Variants in GABRA3 observed in about 807,000 individuals in gnomAD.
GABRA3 encodes gamma-aminobutyric acid receptor subunit alpha-3.
In GABRA3, 10 loss-of-function variants were observed where a neutral mutation model predicts 30.1. That is an observed-to-expected ratio of 0.33 (90% CI 0.20 to 0.56). The LOEUF is 0.56. GABRA3 is among the 20% of genes least tolerant of loss of function. The probability of loss-of-function intolerance (pLI) is 0.89; values close to 1 mark genes in which losing one functional copy is unlikely to be tolerated. For synonymous variants in GABRA3, 151 were observed against 146.8 expected, an observed-to-expected ratio of 1.03 and a Z score of -0.21; for missense variants, 233 against 392.0, an observed-to-expected ratio of 0.59 and a Z score of 3.42.
At chrX:152,290,875 A>C (rs1040585368) in intron 3 of GABRA3, among the ~76,000 whole-genome samples, 8 of 111,350 alleles carry the variant, frequency 7.2e-5, no homozygotes, top group Admixed American at 5.7e-4. Context: ...TGGTCTATAT[A>C]TCTGTTTTGG....
At chrX:152,170,507 T>G (rs1936989615) in intron 9 of GABRA3, among the ~76,000 whole-genome samples, 1 of 111,670 alleles carries the variant, frequency 9.0e-6, no homozygotes, top group South Asian at 3.8e-4. Flanking sequence ...TTAGAGATGA[T>G]GTCTCACTAT....
In GABRA3 at chrX:152,355,184, T is replaced by C. The variant is rs149546678; in HGVS notation, c.140+9247A>G. On this transcript the variant is annotated intron_variant, in intron 2 of 9. Transcript: ENST00000370314. Reference sequence around the variant, plus strand: ...CACCATGGCCACCACCATATGATGTTGATGCAGAAAATGTGTTAATATAGT... The same window carrying C: ...CACCATGGCCACCACCATATGATGTCGATGCAGAAAATGTGTTAATATAGT... Among the ~76,000 whole-genome samples the C allele has an allele frequency of 2.0e-3, 228 of 111,403 alleles. 1 individual carries two copies. Among genetic ancestry groups the C allele is most frequent in the African/African-American group, 6.9e-3 (211 of 30,673 alleles).
chrX:152,294,814 G>A (rs1043493835), intron 3 of GABRA3, among the ~76,000 whole-genome samples: 1 of 111,439 alleles, frequency 9.0e-6, no homozygotes, highest in Admixed American at 9.5e-5. Flanking sequence ...TGGGGTTTTG[G>A]TGTGGATGTT....
intron 1 of GABRA3, among the ~76,000 whole-genome samples, chrX:152,378,525 G>A (rs916113364): frequency 4.6e-4 from 51 of 110,285 alleles, no homozygotes; most frequent in Non-Finnish European, 3.0e-4. Flanking sequence ...ATTAGAAGAG[G>A]AGAAAAAATG....
At chrX:152,400,398 A>G (rs1929765020) in intron 1 of GABRA3, among the ~76,000 whole-genome samples, 1 of 111,034 alleles carries the variant, frequency 9.0e-6, no homozygotes, top group South Asian at 3.8e-4. Flanking sequence ...AGTCCCAGCT[A>G]CTTGGAAGGC....
In GABRA3 at chrX:152,409,481, G is replaced by C. The variant is rs757891407; in HGVS notation, c.-27+41665C>G. 1.5e-3 allele frequency among the ~76,000 whole-genome samples: 172 copies of C among 111,918 alleles called. No individual in the cohort carries two copies. The Middle Eastern group carries it at 0.033, about 21-fold the overall frequency. ...GTCTGTGCAAAGATTTATTGACTAA[G>C]ACCTCAAAAGCACAGGCAAACAAAG... is the stretch of plus-strand genomic sequence containing the variant. On this transcript the variant is annotated intron_variant, in intron 1 of 9. Coordinates refer to ENST00000370314, the MANE Select transcript of GABRA3 (RefSeq NM_000808.4).
intron 1 of GABRA3, among the ~76,000 whole-genome samples, chrX:152,402,682 T>A (rs1487636313): frequency 9.0e-6 from 1 of 111,316 alleles, no homozygotes; most frequent in Non-Finnish European, 1.9e-5. Flanking sequence ...ACAACAGATA[T>A]GGAAGTAAAA....
chrX:152,364,270 T>A (rs1467597395), intron 2 of GABRA3, among the ~76,000 whole-genome samples, 161 bp downstream of exon 2: 1 of 111,669 alleles, frequency 9.0e-6, no homozygotes, highest in South Asian at 3.7e-4. Flanking sequence ...CTCTTTCTAC[T>A]TTGAGAGTCT....
intron 6 of GABRA3, among the ~76,000 whole-genome samples, chrX:152,223,038 C>A (rs754769500): frequency 4.8e-4 from 53 of 111,493 alleles, no homozygotes; most frequent in Non-Finnish European, 8.3e-4. Flanking sequence ...GTCACCCTAG[C>A]CCTGTGTGAT....
rs192713625 is a variant in GABRA3 at position 152,441,095 on chromosome X, G to A, written c.-27+10051C>T. On this transcript the variant is annotated intron_variant, in intron 1 of 9. Coordinates refer to ENST00000370314, the MANE Select transcript of GABRA3 (RefSeq NM_000808.4). Reference sequence around the variant, plus strand: ...TAGAAGAAAAGAACTGGCTGCAAAGGGGCCCAAAAGAACCTGTTATAGTAA... The same window carrying A: ...TAGAAGAAAAGAACTGGCTGCAAAGAGGCCCAAAAGAACCTGTTATAGTAA... Among the ~76,000 whole-genome samples, 4 of 110,735 alleles carry A rather than the reference G, an allele frequency of 3.6e-5. No individual in the cohort carries two copies. The Admixed American group carries it at 3.8e-4, about 11-fold the overall frequency.
At chrX:152,437,413 T>C (rs1245974241) in intron 1 of GABRA3, among the ~76,000 whole-genome samples, 2 of 111,955 alleles carry the variant, frequency 1.8e-5, no homozygotes, top group African/African-American at 3.2e-5. Context: ...GAAGACTCAG[T>C]ATTGTTGGAT....
At chrX:152,429,131 G>A (rs1383480689) in intron 1 of GABRA3, among the ~76,000 whole-genome samples, 1 of 111,394 alleles carries the variant, frequency 9.0e-6, no homozygotes, top group Non-Finnish European at 1.9e-5. Flanking sequence ...AGTGAGACAG[G>A]TCAGGAAAAC....
intron 1 of GABRA3, among the ~76,000 whole-genome samples, chrX:152,381,915 G>A (rs1488134024): frequency 9.0e-6 from 1 of 111,520 alleles, no homozygotes; most frequent in African/African-American, 3.3e-5. Flanking sequence ...ATTCCATGGT[G>A]CCTATGCGCC....
intron 1 of GABRA3, among the ~76,000 whole-genome samples, chrX:152,419,097 C>T (rs901989364): frequency 2.7e-5 from 3 of 109,475 alleles, no homozygotes; most frequent in Non-Finnish European, 5.7e-5. Flanking sequence ...ACAATGAGAA[C>T]ACATGGACAC....
At chrX:152,278,230 G>A (rs1939125515) in intron 4 of GABRA3, among the ~76,000 whole-genome samples, 1 of 108,754 alleles carries the variant, frequency 9.2e-6, no homozygotes, top group Non-Finnish European at 1.9e-5. Context: ...TTTAACATTA[G>A]GTATATCTCC....
intron 1 of GABRA3, chrX:152,392,364 G>A (rs1929512110): frequency 2.8e-6 from 1 of 360,055 alleles, no homozygotes. Context: ...CGAAGAAGGA[G>A]GCAAACACAC....
chrX:152,430,682 G>A (rs191875501), intron 1 of GABRA3, among the ~76,000 whole-genome samples: 1,803 of 111,618 alleles, frequency 0.016, 16 homozygotes, highest in Non-Finnish European at 0.028. Flanking sequence ...CATAAAAAAA[G>A]GAAATTCAAA....
chrX:152,391,677 C>T (rs1261435532), intron 1 of GABRA3, among the ~76,000 whole-genome samples: 2 of 111,037 alleles, frequency 1.8e-5, no homozygotes, highest in East Asian at 5.7e-4. Flanking sequence ...CAGAAAGACA[C>T]GATGAATAAT....
chrX:152,191,159 A>C (rs1357301926), intron 8 of GABRA3, among the ~76,000 whole-genome samples: 1 of 110,805 alleles, frequency 9.0e-6, no homozygotes. Flanking sequence ...AGCTTCTATA[A>C]TTAACATGAC....
Sources: gnomAD v4.1 joint callset for allele counts (sites outside exome capture counted in the v4.1 genomes callset) on GRCh38, gnomAD v4.1.1 for gene constraint, MANE v1.5 for transcripts, NCBI Gene and HGNC (gene_info 2026-07-23, HGNC 2026-07-21) for gene names.